The following ASCC1 variants were observed in gnomAD, a reference collection of about 807,000 sequenced individuals.
ASCC1 encodes the protein ASC-1 complex subunit P50.
In ASCC1, 35 loss-of-function variants were observed where a neutral mutation model predicts 46.6. The observed-to-expected ratio is 0.75, with a 90% confidence interval of 0.57 to 0.99. ASCC1 has a LOEUF of 0.99. ASCC1 is among the 50% of genes least tolerant of loss of function. The pLI is 0.00. For missense variants in ASCC1, 376 were observed against 428.7 expected (o/e 0.88, Z 1.09); for synonymous variants, 143 against 146.6 (o/e 0.98, Z 0.18).
chr10:72,214,808 T>C (rs977428445), intron 1 of ASCC1, among the ~76,000 whole-genome samples: 2 of 152,168 alleles, frequency 1.3e-5, no homozygotes, highest in Non-Finnish European at 2.9e-5. Flanking sequence ...GTTCCAGTTG[T>C]CTGTTAAAGC....
intron 7 of ASCC1, among the ~76,000 whole-genome samples, chr10:72,150,736 C>G (rs1389832017): frequency 6.6e-6 from 1 of 152,186 alleles, no homozygotes; most frequent in Non-Finnish European, 1.5e-5. Context: ...CTACAAAGAA[C>G]TTAAACAAAT....
rs560786831 is a variant in ASCC1, at chr10:72,205,797, A to G, written c.213-2273T>C. ...GGCGACAGAGGGAGACTCCGTCTCA[A>G]AAAAATAACTAAATAAAATTAAATT... On this transcript the variant is annotated intron_variant, in intron 3 of 9. Transcript: ENST00000672957. 1.8e-4 allele frequency among the ~76,000 whole-genome samples: 28 copies of G among 152,116 alleles called. No individual in the cohort carries two copies. The South Asian group carries it at 5.8e-3, about 32-fold the overall frequency.
intron 9 of ASCC1, among the ~76,000 whole-genome samples, chr10:72,107,084 T>C (rs762061361): frequency 6.6e-6 from 1 of 152,110 alleles, no homozygotes; most frequent in African/African-American, 2.4e-5. Flanking sequence ...TAATGGTATA[T>C]TTCAGATGCA....
chr10:72,145,156 A>T (rs879646255), intron 7 of ASCC1, among the ~76,000 whole-genome samples: 8 of 152,206 alleles, frequency 5.3e-5, no homozygotes, highest in African/African-American at 1.9e-4. Flanking sequence ...TGCTGTCGTC[A>T]TAATTGTCAA....
intron 6 of ASCC1, among the ~76,000 whole-genome samples, chr10:72,156,258 A>C (rs1053307020): frequency 6.6e-6 from 1 of 152,084 alleles, no homozygotes. Context: ...GATGTGCTTG[A>C]TCCCCTTCAC....
At chr10:72,167,868 C>T (rs1850565029) in intron 5 of ASCC1, among the ~76,000 whole-genome samples, 2 of 151,996 alleles carry the variant, frequency 1.3e-5, no homozygotes, top group Admixed American at 6.6e-5. Flanking sequence ...AAACTCCTGG[C>T]CTTAAGCAGG....
intron 6 of ASCC1, among the ~76,000 whole-genome samples, chr10:72,154,552 C>T (rs1255381054): frequency 6.7e-6 from 1 of 149,210 alleles, no homozygotes; most frequent in Admixed American, 6.7e-5. Flanking sequence ...AGTGCAGTGG[C>T]GTGATCTTGG....
intron 9 of ASCC1, among the ~76,000 whole-genome samples, chr10:72,103,390 C>T (rs575850266): frequency 5.9e-5 from 9 of 152,228 alleles, no homozygotes; most frequent in African/African-American, 1.7e-4. Flanking sequence ...CCTCAGCCTC[C>T]CAAAGTGCTG....
At chr10:72,125,468 C>G (rs1844753250) in intron 9 of ASCC1, among the ~76,000 whole-genome samples, 1 of 152,132 alleles carries the variant, frequency 6.6e-6, no homozygotes, top group African/African-American at 2.4e-5. Context: ...ATGAAGTTCA[C>G]TGGTTTTCTA....
At chr10:72,143,690 G>C (rs1349805609) in intron 7 of ASCC1, among the ~76,000 whole-genome samples, 1 of 149,460 alleles carries the variant, frequency 6.7e-6, no homozygotes, top group Non-Finnish European at 1.5e-5. Context: ...TAATTACTGG[G>C]CATATAATTC....
intron 9 of ASCC1, among the ~76,000 whole-genome samples, chr10:72,123,324 G>A (rs961585885): frequency 2.7e-5 from 4 of 145,892 alleles, no homozygotes; most frequent in Non-Finnish European, 5.9e-5. Context: ...GGGCGGCAGA[G>A]CAAGACTCCG....
In ASCC1 at chr10:72,153,593, T is replaced by C. The variant is rs1013894870; in HGVS notation, c.627-605A>G. 5.9e-5 allele frequency among the ~76,000 whole-genome samples: 9 copies of C among 151,366 alleles called. No homozygotes were observed. The South Asian group carries it at 8.4e-4, about 14-fold the overall frequency. ...GGCGCCCGCCACCACGCCCGCCTAATTTTTTTGCATTTTTAGTAGAGATGG... is the reference window on the plus strand; with the variant it reads ...GGCGCCCGCCACCACGCCCGCCTAACTTTTTTGCATTTTTAGTAGAGATGG... On this transcript the variant is annotated intron_variant, in intron 6 of 9. Coordinates refer to ENST00000672957, the MANE Select transcript of ASCC1 (RefSeq NM_001198800.3).
chr10:72,137,397 G>A (rs1229128065), intron 7 of ASCC1, among the ~76,000 whole-genome samples: 1 of 151,896 alleles, frequency 6.6e-6, no homozygotes, highest in Non-Finnish European at 1.5e-5. Flanking sequence ...GTGTGGTGGT[G>A]CATGCCTATA....
intron 9 of ASCC1, among the ~76,000 whole-genome samples, chr10:72,123,427 C>T (rs912621494): frequency 6.6e-6 from 1 of 151,530 alleles, no homozygotes; most frequent in Non-Finnish European, 1.5e-5. Flanking sequence ...CTAATGTAAA[C>T]GGCGGACCAT....
At chr10:72,198,880 A>C (rs1470447326) in intron 4 of ASCC1, among the ~76,000 whole-genome samples, 1 of 151,428 alleles carries the variant, frequency 6.6e-6, no homozygotes, top group Non-Finnish European at 1.5e-5. Context: ...GCAGTGGTAC[A>C]ATCTCGGCTC....
At chr10:72,216,693 A>G (rs2133617206), upstream of ASCC1, 3 of 379,784 alleles carry the variant, frequency 7.9e-6, no homozygotes, top group Non-Finnish European at 1.0e-5. Flanking sequence ...TCATAAATAT[A>G]TGAATGCGAG....
intron 5 of ASCC1, among the ~76,000 whole-genome samples, chr10:72,179,990 G>C (rs1852359775): frequency 6.6e-6 from 1 of 151,974 alleles, no homozygotes; most frequent in Non-Finnish European, 1.5e-5. Context: ...TACTTTAAAA[G>C]AACCGGCCGG....
intron 2 of ASCC1, among the ~76,000 whole-genome samples, chr10:72,211,126 T>C (rs1371248955): frequency 6.6e-6 from 1 of 152,152 alleles, no homozygotes; most frequent in Non-Finnish European, 1.5e-5. Context: ...CTTTCCAAGG[T>C]TTCAATTACT....
At chr10:72,105,171 C>T (rs940241630) in intron 9 of ASCC1, among the ~76,000 whole-genome samples, 1 of 152,206 alleles carries the variant, frequency 6.6e-6, no homozygotes, top group African/African-American at 2.4e-5. Flanking sequence ...GTCACACTGG[C>T]CCTTTGCCCT....
Sources: allele counts gnomAD v4.1 joint callset (sites outside exome capture counted in the v4.1 genomes callset), GRCh38; gene constraint gnomAD v4.1.1; transcripts MANE v1.5; gene names NCBI Gene and HGNC (gene_info 2026-07-23, HGNC 2026-07-21).